UBE3C: variants seen among roughly 807,000 people sequenced by gnomAD.
UBE3C encodes ubiquitin protein ligase E3C.
In UBE3C, 42 loss-of-function variants were observed where a neutral mutation model predicts 129.4. The ratio of observed to expected loss-of-function variants is 0.32; its 90% CI spans 0.25 to 0.42. The LOEUF is 0.42. Ranked by LOEUF, UBE3C falls within the 10% of genes least tolerant of loss-of-function variation. UBE3C has a pLI of 1.00. For synonymous variants in UBE3C, 510 were observed against 492.4 expected (o/e 1.04, Z -0.47); for missense variants, 1,049 against 1,319.1 (o/e 0.80, Z 3.17).
At chr7:157,238,335 G>A (rs974284699) in intron 18 of UBE3C, among the ~76,000 whole-genome samples, 2 of 152,092 alleles carry the variant, frequency 1.3e-5, no homozygotes, top group African/African-American at 4.8e-5. Flanking sequence ...TGGCTTTGGT[G>A]TAAGTAGCTA....
intron 13 of UBE3C, among the ~76,000 whole-genome samples, chr7:157,212,214 A>C (rs1809615150): frequency 6.6e-6 from 1 of 152,316 alleles, no homozygotes; most frequent in South Asian, 2.1e-4. Context: ...AGAAAAAAAA[A>C]AATTAACTCA....
At chr7:157,257,181 G>A in intron 22 of UBE3C, 137 bp downstream of exon 22, 1 of 1,220,102 alleles carries the variant, frequency 8.2e-7, no homozygotes, top group East Asian at 2.6e-5. Flanking sequence ...ATTAAGTACT[G>A]GTTATGATGT....
chr7:157,207,426 T>C lies in UBE3C; in HGVS notation c.1447T>C (p.Ser483Pro). ...GSMVPLLQVI[S>P]RGSPMSFEDS... ...TATGGTACCGTTGCTTCAGGTGATA[T>C]CCAGGGGTTCTCCTATGTCTTTTGA... Residue 483 changes from serine to proline, a missense_variant, in exon 12 of 23, where the codon TCC becomes CCC. Ser to Pro is a moderately conservative substitution (Grantham distance 74). Coordinates refer to ENST00000348165, the MANE Select transcript of UBE3C (RefSeq NM_014671.3). 1 of 1,613,712 alleles carries C rather than the reference T, an allele frequency of 6.2e-7. No individual in the cohort carries two copies. The highest frequency in any genetic ancestry group is 8.5e-7 in the Non-Finnish European group (1 of 1,179,984).
intron 1 of UBE3C, among the ~76,000 whole-genome samples, chr7:157,143,217 A>G (rs895131142): frequency 6.6e-6 from 1 of 152,084 alleles, no homozygotes; most frequent in African/African-American, 2.4e-5. Context: ...TATTTCTGAC[A>G]TCGGGATACA....
chr7:157,178,757 T>C lies in UBE3C; in HGVS notation c.526T>C (p.Ser176Pro). 6.2e-7 allele frequency: 1 copy of C among 1,614,276 alleles called. No homozygotes were observed. Among genetic ancestry groups the C allele is most frequent in the South Asian group, 1.1e-5 (1 of 91,090 alleles). The change falls in exon 6 of 23, where the codon TCG (serine) becomes CCG (proline). Residue 176 changes from serine (S) to proline (P), a missense_variant. Physicochemically the swap from Ser to Pro is moderately conservative, Grantham distance 74 (BLOSUM62 -1). This residue lies in a region of UBE3C where 489 missense variants were observed against 513.8 expected (regional missense o/e 0.95). Coordinates refer to ENST00000348165, the MANE Select transcript of UBE3C (RefSeq NM_014671.3). ...TCCAATGAGAATGCTTGAAGTATTTTCGTCTGAGAATACTTACTTGCCTGT... is the reference window on the plus strand; with the variant it reads ...TCCAATGAGAATGCTTGAAGTATTTCCGTCTGAGAATACTTACTTGCCTGT... Reference protein sequence around the residue: ...ALPMRMLEVFSSENTYLPVLQ... With the variant: ...ALPMRMLEVFPSENTYLPVLQ...
Position 157,186,902 on chromosome 7 carries a change from G to A in UBE3C, c.1212G>A (p.Gln404=), listed in dbSNP as rs2116938728. 6.2e-7 allele frequency: 1 copy of A among 1,614,196 alleles called. No homozygotes were observed. The highest frequency in any genetic ancestry group is 1.1e-5 in the South Asian group (1 of 91,090). The part of the protein sequence containing the change: ...ECLKKLDTKQ[Q]TNTLLNLVWR... ...TGAAGAAGCTGGACACAAAGCAGCAGACCAACACCCTGCTCAACCTGGTGT... is the reference window on the plus strand; with the variant it reads ...TGAAGAAGCTGGACACAAAGCAGCAAACCAACACCCTGCTCAACCTGGTGT... The change falls in exon 10 of 23, where the codon CAG becomes CAA. Residue 404 remains glutamine (Q), a synonymous_variant. Coordinates refer to ENST00000348165, the MANE Select transcript of UBE3C (RefSeq NM_014671.3).
At position 157,225,421 on chromosome 7, in the gene UBE3C, G is replaced by T; in HGVS notation, c.2115G>T (p.Leu705Phe). ...TTGTTTGTTAGATCTTTCAGAGGTT[G>T]ATTTATGCAGATAAGCAAGAAGTTC... ...FEERVKIFQR[L>F]IYADKQEVQG... Residue 705 changes from leucine to phenylalanine, a missense_variant, in exon 17 of 23, where the codon TTG becomes TTT. By Grantham distance (22) the Leu-to-Phe change is conservative. Transcript: ENST00000348165. 6.2e-7 allele frequency: 1 copy of T among 1,604,426 alleles called. No individual in the cohort carries two copies. Among genetic ancestry groups the T allele is most frequent in the Non-Finnish European group, 8.5e-7 (1 of 1,177,864 alleles).
chr7:157,176,941 C>G (rs577265769), intron 5 of UBE3C, among the ~76,000 whole-genome samples: 12 of 152,300 alleles, frequency 7.9e-5, no homozygotes, highest in Admixed American at 2.6e-4. Context: ...TGCCACGTGC[C>G]AGAACATTGA....
chr7:157,197,762 C>A, intron 10 of UBE3C: 1 of 1,612,724 alleles, frequency 6.2e-7, no homozygotes, highest in South Asian at 1.1e-5. Context: ...CATCCAGGAT[C>A]CTGTGTGTAC....
chr7:157,154,798 A>G (rs948452396), intron 1 of UBE3C, among the ~76,000 whole-genome samples: 2 of 152,224 alleles, frequency 1.3e-5, no homozygotes, highest in African/African-American at 2.4e-5. Flanking sequence ...AAAGAAATCT[A>G]TAACTGGTTG....
At chr7:157,171,686 A>ATTT in intron 4 of UBE3C, among the ~76,000 whole-genome samples, 1 of 37,626 alleles carries the variant, frequency 2.7e-5, no homozygotes, top group Admixed American at 4.2e-4. Context: ...ATATATATAT[A>ATTT]TTTTTTTTTT....
intron 18 of UBE3C, among the ~76,000 whole-genome samples, chr7:157,245,725 C>T (rs540689857): frequency 3.9e-5 from 6 of 152,248 alleles, no homozygotes; most frequent in South Asian, 4.1e-4. Flanking sequence ...GATGTTATGC[C>T]GGCTCTAGTT....
At chr7:157,162,802 G>A (rs1445073309) in intron 1 of UBE3C, among the ~76,000 whole-genome samples, 2 of 152,144 alleles carry the variant, frequency 1.3e-5, no homozygotes, top group Non-Finnish European at 2.9e-5. Context: ...ACAGGCATGA[G>A]CCACCTTGCC....
rs1808736101 is a variant in UBE3C at position 157,183,887 on chromosome 7, C to T, written c.1001C>T (p.Ser334Phe). The change falls in exon 9 of 23, where the codon TCT becomes TTT. Residue 334 changes from serine (S) to phenylalanine (F), a missense_variant. Physicochemically the swap from Ser to Phe is radical, Grantham distance 155. This residue lies in a region of UBE3C where 489 missense variants were observed against 513.8 expected (regional missense o/e 0.95). Coordinates refer to ENST00000348165, the MANE Select transcript of UBE3C (RefSeq NM_014671.3). Reference protein sequence around the residue: ...TVGENYLGALSEEGLLVYLRV... With the variant: ...TVGENYLGALFEEGLLVYLRV... Reference sequence around the variant, plus strand: ...TGATTGTTTTGCAAAGGGGCCCTCTCTGAGGAAGGGCTGCTGGTGTATTTG... The same window carrying T: ...TGATTGTTTTGCAAAGGGGCCCTCTTTGAGGAAGGGCTGCTGGTGTATTTG... 6.2e-7 allele frequency: 1 copy of T among 1,613,170 alleles called. No individual in the cohort carries two copies. Among genetic ancestry groups the T allele is most frequent in the Admixed American group, 1.7e-5 (1 of 59,836 alleles).
At position 157,248,415 on chromosome 7, in the gene UBE3C, T is replaced by C; in HGVS notation, c.2529T>C (p.Phe843=). 1.2e-6 allele frequency: 2 copies of C among 1,613,630 alleles called. No homozygotes were observed. The highest frequency in any genetic ancestry group is 1.7e-6 in the Non-Finnish European group (2 of 1,180,044). ...TGGAGCTGCCCTTTGCAGGCTTCTT[T>C]CTTTCCAAGTTGCTTGGAACCAGTG... ...MLVELPFAGF[F]LSKLLGTSAD... is the part of the protein sequence containing the mutation. The change falls in exon 19 of 23, where the codon TTT becomes TTC. Residue 843 remains phenylalanine, a synonymous_variant. Coordinates refer to ENST00000348165, the MANE Select transcript of UBE3C (RefSeq NM_014671.3).
chr7:157,258,031 G>A (rs548908256), intron 22 of UBE3C, among the ~76,000 whole-genome samples: 1 of 147,982 alleles, frequency 6.8e-6, no homozygotes, highest in Admixed American at 6.8e-5. Context: ...CACTGCAGCC[G>A]CAGCCACCCA....
chr7:157,195,803 G>A (rs1809103270), intron 10 of UBE3C, among the ~76,000 whole-genome samples: 1 of 152,152 alleles, frequency 6.6e-6, no homozygotes, highest in African/African-American at 2.4e-5. Context: ...TGACTTTTGA[G>A]CACCTATGAG....
intron 5 of UBE3C, among the ~76,000 whole-genome samples, chr7:157,177,620 A>G (rs1418843154): frequency 6.6e-6 from 1 of 152,216 alleles, no homozygotes; most frequent in Non-Finnish European, 1.5e-5. Context: ...CTCGAGAGAC[A>G]CCAGTGTGGT....
At chr7:157,237,026 C>T (rs986563867) in intron 18 of UBE3C, among the ~76,000 whole-genome samples, 3 of 152,146 alleles carry the variant, frequency 2.0e-5, no homozygotes, top group African/African-American at 7.2e-5. Flanking sequence ...GCCAGCACAC[C>T]CGGCAAGACA....
Sources: gnomAD v4.1 joint callset for allele counts (sites outside exome capture counted in the v4.1 genomes callset) on GRCh38, gnomAD v4.1.1 for gene constraint, gnomAD v4.1.1 regional missense constraint, MANE v1.5 for transcripts, NCBI Gene and HGNC (gene_info 2026-07-23, HGNC 2026-07-21) for gene names.